The following BCAM variants were observed in gnomAD, a reference collection of about 807,000 sequenced individuals.
BCAM encodes basal cell adhesion molecule.
In BCAM, 61 loss-of-function variants were observed where a neutral mutation model predicts 72.4. That is an observed-to-expected ratio of 0.84 (90% CI 0.69 to 1.04). The LOEUF (loss-of-function observed/expected upper bound fraction) is 1.04. Among genes scored for constraint, BCAM ranks in the 50% least tolerant of loss-of-function variants. The pLI is 0.00. For missense variants in BCAM, 909 were observed against 895.0 expected (o/e 1.02, Z -0.20); for synonymous variants, 408 against 384.2 (o/e 1.06, Z -0.73).
In BCAM at chr19:44,820,595, C is replaced by T. The variant is rs369045918; in HGVS notation, c.1764-110C>T. On this transcript the variant is annotated intron_variant, in intron 13 of 14. Coordinates refer to ENST00000270233, the MANE Select transcript of BCAM (RefSeq NM_005581.5). ...TCCCCACCCAGCACACCCCCATCCT[C>T]ACCTCCATCCCCAGCCGCATCCTAG... 3.8e-6 allele frequency: 5 copies of T among 1,299,056 alleles called. No homozygotes were observed. The African/African-American group carries it at 6.1e-5, about 16-fold the overall frequency. 80.5% of individuals were successfully genotyped at this position (1,299,056 alleles called of 1,614,324 possible).
At chr19:44,811,969 A>C in intron 2 of BCAM, 194 bp from the exon 3 acceptor site, 1 of 622,582 alleles carries the variant, frequency 1.6e-6, no homozygotes, top group Non-Finnish European at 2.8e-6. Flanking sequence ...GAGATGGAGA[A>C]AAGGAGACAG....
At position 44,814,454 on chromosome 19, in the gene BCAM, A is replaced by C. The variant is rs115368424; in HGVS notation, c.922-150A>C. On this transcript the variant is annotated intron_variant, in intron 7 of 14. Coordinates refer to ENST00000270233, the MANE Select transcript of BCAM (RefSeq NM_005581.5). This position sits in a 1 kb window ranked among gnomAD's most constrained non-coding sequence, Gnocchi z 4.6. The stretch of plus-strand genomic sequence containing the variant: ...AAGGACCTCTGACCCCTGATTTGAG[A>C]GAGTCAGGACTTAGCATGCCACCTG... 543 of 1,376,890 alleles carry C rather than the reference A, an allele frequency of 3.9e-4. 3 individuals carry two copies. In the African/African-American group the frequency reaches 7.2e-3, roughly 18 times the overall value. 85.3% of individuals were successfully genotyped at this position (1,376,890 alleles called of 1,614,324 possible). A position where few individuals can be genotyped will look rare whatever the true frequency, so the allele number is the denominator to read the frequency against.
intron 1 of BCAM, among the ~76,000 whole-genome samples, chr19:44,810,081 C>A (rs1231730980): frequency 6.6e-6 from 1 of 152,090 alleles, no homozygotes; most frequent in Non-Finnish European, 1.5e-5. Flanking sequence ...AACAGTGGGT[C>A]CCCAGGGGTA....
At position 44,812,692 on chromosome 19, in the gene BCAM, G is replaced by A. The variant is rs892171197; in HGVS notation, c.504+144G>A. Reference sequence around the variant, plus strand: ...AGGCCAGGCGAGGTGGCTCATGCCTGTAATCCCAGCATTTTGGGAGGCAGA... The same window carrying A: ...AGGCCAGGCGAGGTGGCTCATGCCTATAATCCCAGCATTTTGGGAGGCAGA... On this transcript the variant is annotated intron_variant, in intron 4 of 14. Coordinates refer to ENST00000270233, the MANE Select transcript of BCAM (RefSeq NM_005581.5). The surrounding 1 kb of genome is among the most constrained non-coding windows in gnomAD (Gnocchi z 5.3). The A allele has an allele frequency of 7.7e-5, 71 of 916,288 alleles. No homozygotes were observed. Among genetic ancestry groups the A allele is most frequent in the Non-Finnish European group, 9.4e-5 (58 of 616,310 alleles). 56.8% of individuals were successfully genotyped at this position (916,288 alleles called of 1,614,324 possible). A position where few individuals can be genotyped will look rare whatever the true frequency, so the allele number is the denominator to read the frequency against.
intron 1 of BCAM, among the ~76,000 whole-genome samples, chr19:44,810,117 G>A (rs1489775935): frequency 1.3e-5 from 2 of 152,102 alleles, no homozygotes; most frequent in Non-Finnish European, 2.9e-5. Context: ...GAGCAGAGAA[G>A]GGAAGGGAGT....
chr19:44,816,479 C>A (rs1019395564), intron 8 of BCAM, among the ~76,000 whole-genome samples: 2 of 152,182 alleles, frequency 1.3e-5, no homozygotes, highest in Non-Finnish European at 2.9e-5. Context: ...GGGCTCTCAG[C>A]AGCTGAGGCA....
chr19:44,816,386 T>C (rs1968504193), intron 8 of BCAM, among the ~76,000 whole-genome samples: 2 of 152,150 alleles, frequency 1.3e-5, no homozygotes, highest in South Asian at 4.1e-4. Flanking sequence ...CCCTTCACAG[T>C]TGTCCCCAGT....
At chr19:44,815,213 C>CA (rs1968489058) in intron 8 of BCAM, among the ~76,000 whole-genome samples, 1 of 152,262 alleles carries the variant, frequency 6.6e-6, no homozygotes, top group East Asian at 1.9e-4. Flanking sequence ...ATCTCCTCAT[C>CA]ACCCCCCAGG....
Position 44,814,356 on chromosome 19 carries a change from C to T in BCAM, c.921+68C>T. 7 of 1,534,228 alleles carry T rather than the reference C, an allele frequency of 4.6e-6. No homozygotes were observed. Among genetic ancestry groups the T allele is most frequent in the Non-Finnish European group, 6.1e-6 (7 of 1,149,664 alleles). The stretch of plus-strand genomic sequence containing the variant: ...CTGACCTCTGTGACCTGCTAACCTG[C>T]ATAACTTCTAATGTGGGACCTGGGA... On this transcript the variant is annotated intron_variant, in intron 7 of 14. Coordinates refer to ENST00000270233, the MANE Select transcript of BCAM (RefSeq NM_005581.5). This position sits in a 1 kb window ranked among gnomAD's most constrained non-coding sequence, Gnocchi z 4.6.
chr19:44,814,079 C>T lies in BCAM; in HGVS notation c.785-73C>T. The T allele has an allele frequency of 2.0e-6, 3 of 1,494,962 alleles. No individual in the cohort carries two copies. Among genetic ancestry groups the T allele is most frequent in the Non-Finnish European group, 2.7e-6 (3 of 1,127,872 alleles). 92.6% of individuals were successfully genotyped at this position (1,494,962 alleles called of 1,614,324 possible). A position where few individuals can be genotyped will look rare whatever the true frequency, so the allele number is the denominator to read the frequency against. ...CATAGCCCTCACCTGGGATGCAGGG[C>T]TGACCTCTCGCCTGTCCTCTAGCCT... On this transcript the variant is annotated intron_variant, in intron 6 of 14. Coordinates refer to ENST00000270233, the MANE Select transcript of BCAM (RefSeq NM_005581.5). This position sits in a 1 kb window ranked among gnomAD's most constrained non-coding sequence, Gnocchi z 4.6.
In BCAM at chr19:44,819,381, G is replaced by A. The variant is rs1310490815; in HGVS notation, c.1509G>A (p.Val503=). Reference sequence around the variant, plus strand: ...CAATCCCCGGACGGCAGGGTTGGGTGAGCAGCTCTCTGACCCTGAAAGTGA... The same window carrying A: ...CAATCCCCGGACGGCAGGGTTGGGTAAGCAGCTCTCTGACCCTGAAAGTGA... The part of the protein sequence containing the change: ...AEPIPGRQGW[V]SSSLTLKVTS... The change falls in exon 12 of 15, where the codon GTG becomes GTA. Residue 503 remains valine (V), a synonymous_variant. Transcript: ENST00000270233. 1 of 1,614,100 alleles carries A rather than the reference G, an allele frequency of 6.2e-7. No homozygotes were observed. The highest frequency in any genetic ancestry group is 1.7e-5 in the Admixed American group (1 of 60,024).
Position 44,814,144 on chromosome 19 carries a change from T to G in BCAM, c.785-8T>G, listed in dbSNP as rs767473899. On this transcript the variant is annotated splice_polypyrimidine_tract_variant and splice_region_variant and intron_variant, in intron 6 of 14. Coordinates refer to ENST00000270233, the MANE Select transcript of BCAM (RefSeq NM_005581.5). The surrounding 1 kb of genome is among the most constrained non-coding windows in gnomAD (Gnocchi z 4.6). ...ATCACAATTCCCATCTCCCTGCCCT[T>G]CCCTTAGATCCCACGGAGCACGTGC... The G allele has an allele frequency of 5.7e-6, 9 of 1,576,028 alleles. No homozygotes were observed. The highest frequency in any genetic ancestry group is 1.8e-5 in the Admixed American group (1 of 54,610).
At position 44,812,458 on chromosome 19, in the gene BCAM, C is replaced by A. The variant is rs755326869; in HGVS notation, c.434-20C>A. 8 of 1,614,122 alleles carry A rather than the reference C, an allele frequency of 5.0e-6. No homozygotes were observed. The highest frequency in any genetic ancestry group is 4.4e-5 in the South Asian group (4 of 91,092). On this transcript the variant is annotated intron_variant, in intron 3 of 14. Transcript: ENST00000270233. This position sits in a 1 kb window ranked among gnomAD's most constrained non-coding sequence, Gnocchi z 5.3. ...AGGGGCGCAGGGCAGGGGCTCCTGA[C>A]GTGAACGTCTTTTTCACAGCAAAGC...
intron 8 of BCAM, among the ~76,000 whole-genome samples, chr19:44,815,905 C>T (rs991538792): frequency 9.2e-5 from 14 of 151,914 alleles, no homozygotes; most frequent in African/African-American, 3.4e-4. Flanking sequence ...CCCAGCTACT[C>T]GGAGGCCCAG....
chr19:44,809,649 A>G (rs1968391114), intron 1 of BCAM, among the ~76,000 whole-genome samples: 1 of 152,066 alleles, frequency 6.6e-6, no homozygotes, highest in Admixed American at 6.5e-5. Context: ...GACCCCTTAG[A>G]GAAGCGAGGA....
chr19:44,820,734 C>T lies in BCAM; in HGVS notation c.1793C>T (p.Ser598Leu), dbSNP rs866563709. The part of the protein sequence containing the change: ...PPPGEPGLSH[S>L]GSEQPEQTGL... ...CCAGGGGAGCCAGGGCTGAGCCACT[C>T]GGGGTCGGAGCAACCAGAGCAGACC... is the stretch of plus-strand genomic sequence containing the variant. Residue 598 changes from serine to leucine, a missense_variant, in exon 14 of 15, where the codon TCG becomes TTG. Ser to Leu is a moderately radical substitution (Grantham distance 145). Coordinates refer to ENST00000270233, the MANE Select transcript of BCAM (RefSeq NM_005581.5). 12 of 1,448,314 alleles carry T rather than the reference C, an allele frequency of 8.3e-6. No homozygotes were observed. The highest frequency in any genetic ancestry group is 5.7e-5 in the African/African-American group (4 of 69,756). The allele number at this position is 1,448,314 out of a possible 1,614,324, so 89.7% of individuals were successfully genotyped here.
Position 44,821,154 on chromosome 19 carries a change from A to T in BCAM, c.*233A>T, listed in dbSNP as rs1968586443. 1.9e-6 allele frequency: 1 copy of T among 537,858 alleles called. No homozygotes were observed. The highest frequency in any genetic ancestry group is 3.0e-5 in the South Asian group (1 of 33,650). The allele number at this position is 537,858 out of a possible 1,614,324, so 33.3% of individuals were successfully genotyped here. The stretch of plus-strand genomic sequence containing the variant: ...AGGGGGCCTTCCTCCAGGGAATGTG[A>T]CTCTCCCAGGCCCCAGAATAGCTCC... On this transcript the variant is annotated 3_prime_UTR_variant, in exon 15 of 15. Coordinates refer to ENST00000270233, the MANE Select transcript of BCAM (RefSeq NM_005581.5).
intron 1 of BCAM, 85 bp from the exon 2 acceptor site, chr19:44,811,140 G>A (rs1190929147): frequency 8.8e-6 from 14 of 1,588,824 alleles, no homozygotes; most frequent in African/African-American, 5.4e-5. Context: ...GGACCTGGAC[G>A]CTTGTGTCCT....
In BCAM at chr19:44,811,320, G is replaced by A. The variant is rs746517961; in HGVS notation, c.178G>A (p.Asp60Asn). ...ILDCTPTGTH[D>N]HYMLEWFLTD... ...GGACTGCACCCCTACGGGAACCCAC[G>A]ACCATTATATGCTGGAATGGTTCCT... Residue 60 changes from aspartate (D) to asparagine (N), a missense_variant, in exon 2 of 15, where the codon GAC becomes AAC. Physicochemically the swap from Asp to Asn is conservative, Grantham distance 23. Transcript: ENST00000270233. 47 of 1,613,544 alleles carry A rather than the reference G, an allele frequency of 2.9e-5. No homozygotes were observed. The highest frequency in any genetic ancestry group is 3.7e-5 in the Non-Finnish European group (44 of 1,179,882).
Sources: allele counts gnomAD v4.1 joint callset (sites outside exome capture counted in the v4.1 genomes callset), GRCh38; gene constraint gnomAD v4.1.1; non-coding constraint Gnocchi (gnomAD v3.1); transcripts MANE v1.5; gene names NCBI Gene and HGNC (gene_info 2026-07-23, HGNC 2026-07-21).